ADAD2: variants seen among roughly 807,000 people sequenced by gnomAD.
The protein encoded by ADAD2 is adenosine deaminase domain containing 2, also known as adenosine deaminase domain-containing protein 2.
ADAD2 carries 60 observed loss-of-function variants against 54.5 expected under a neutral mutation model. That is an observed-to-expected ratio of 1.10 (90% CI 0.89 to 1.36). ADAD2 has a LOEUF of 1.36. Ranked by LOEUF, ADAD2 falls within the 40% of genes most tolerant of loss-of-function variation. The pLI is 0.00. For missense variants in ADAD2, 1,103 were observed against 801.3 expected, an observed-to-expected ratio of 1.38 and a Z score of -4.54; for synonymous variants, 543 against 366.2, an observed-to-expected ratio of 1.48 and a Z score of -5.51.
At chr16:84,196,535 G>A (rs1490247311) in intron 8 of ADAD2, 112 bp from the exon 9 acceptor site, 29 of 1,554,238 alleles carry the variant, frequency 1.9e-5, no homozygotes, top group Non-Finnish European at 2.5e-5. Flanking sequence ...TGTCTGCCCT[G>A]TGAGTCCTGT....
intron 2 of ADAD2, 103 bp from the exon 3 acceptor site, chr16:84,194,830 T>C: frequency 7.4e-7 from 1 of 1,357,916 alleles, no homozygotes; most frequent in Non-Finnish European, 1.0e-6. Flanking sequence ...TAATGTCCTG[T>C]GTCTGGAAGA....
In ADAD2 at chr16:84,195,938, C is replaced by G; in HGVS notation, c.1176C>G (p.Gly392=). 1 of 1,599,654 alleles carries G rather than the reference C, an allele frequency of 6.3e-7. No individual in the cohort carries two copies. The highest frequency in any genetic ancestry group is 8.5e-7 in the Non-Finnish European group (1 of 1,179,624). Residue 392 remains glycine, a synonymous_variant, in exon 7 of 10, where the codon GGC becomes GGG. Transcript: ENST00000315906. ...CCTCGCTCTGTGACACCCACGTGGG[C>G]TGCCTGTCAGCCAGTGACAAGCTGG... ...VAPSLCDTHV[G]CLSASDKLAR...
At chr16:84,195,507 C>T (rs766221123) in intron 5 of ADAD2, 23 bp from the exon 6 acceptor site, 9 of 1,600,626 alleles carry the variant, frequency 5.6e-6, no homozygotes, top group Non-Finnish European at 7.7e-6. Context: ...TCTTCCCAAC[C>T]ACCCTGTGCC....
rs1408854511 is a variant in ADAD2, at chr16:84,191,499, A to C, written c.269A>C (p.Gln90Pro). The C allele has an allele frequency of 3.0e-5, 47 of 1,541,748 alleles. No individual in the cohort carries two copies. Among genetic ancestry groups the C allele is most frequent in the Non-Finnish European group, 4.0e-5 (46 of 1,145,512 alleles). ...AARAWENLGE[Q>P]MGKAPRVPVP... ...CGGGCGTGGGAAAACTTGGGGGAAC[A>C]GATGGGGAAGGCCCCGAGGGTCCCT... is the stretch of plus-strand genomic sequence containing the variant. Residue 90 changes from glutamine (Q) to proline (P), a missense_variant, in exon 1 of 10, where the codon CAG (glutamine) becomes CCG (proline). By Grantham distance (76) the Gln-to-Pro change is moderately conservative. Transcript: ENST00000315906.
At chr16:84,191,722 A>G in intron 1 of ADAD2, 74 bp downstream of exon 1, 4 of 1,531,420 alleles carry the variant, frequency 2.6e-6, no homozygotes. Flanking sequence ...CGTGGGGAGC[A>G]GGGGGTCTGG....
At chr16:84,196,461 G>A (rs889985921) in intron 8 of ADAD2, 91 bp downstream of exon 8, 19 of 1,438,940 alleles carry the variant, frequency 1.3e-5, no homozygotes, top group Non-Finnish European at 1.6e-5. Flanking sequence ...TAATCCCAGC[G>A]CAACCCCTTC....
chr16:84,192,114 C>G (rs57710044), intron 1 of ADAD2, among the ~76,000 whole-genome samples: 1 of 152,146 alleles, frequency 6.6e-6, no homozygotes, highest in Non-Finnish European at 1.5e-5. Context: ...ATACATACCC[C>G]TTAAATCCCT....
At chr16:84,193,976 A>C (rs1474945564) in intron 1 of ADAD2, 1 of 1,532,198 alleles carries the variant, frequency 6.5e-7, no homozygotes, top group South Asian at 1.3e-5. Flanking sequence ...TTGTGTTATA[A>C]GTAACACCCA....
chr16:84,196,627 G>A lies in ADAD2; in HGVS notation c.1527-20G>A, dbSNP rs753573082. 7 of 1,611,582 alleles carry A rather than the reference G, an allele frequency of 4.3e-6. No homozygotes were observed. The Admixed American group carries it at 1.0e-4, about 23-fold the overall frequency. On this transcript the variant is annotated intron_variant, in intron 8 of 9. Transcript: ENST00000315906. The stretch of plus-strand genomic sequence containing the variant: ...CAGCTTGTATCTCTCTGATCTCAGT[G>A]GTATCCTCTCTTCATCCAGTGCCGC...
At chr16:84,191,722 A>AG in intron 1 of ADAD2, 74 bp downstream of exon 1, 1 of 1,531,420 alleles carries the variant, frequency 6.5e-7, no homozygotes, top group Non-Finnish European at 8.8e-7. Flanking sequence ...CGTGGGGAGC[A>AG]GGGGGTCTGG....
At chr16:84,194,823 T>A in intron 2 of ADAD2, 110 bp from the exon 3 acceptor site, 1 of 1,326,944 alleles carries the variant, frequency 7.5e-7, no homozygotes, top group Non-Finnish European at 1.0e-6. Context: ...GCTCGTGTAA[T>A]GTCCTGTGTC....
chr16:84,195,191 A>T lies in ADAD2; in HGVS notation c.730A>T (p.Arg244Trp). The T allele has an allele frequency of 6.2e-7, 1 of 1,612,420 alleles. No individual in the cohort carries two copies. The highest frequency in any genetic ancestry group is 1.1e-5 in the South Asian group (1 of 91,024). ...KGTVAGVILEREIPRARGHVK... is the reference protein window; with the variant it reads ...KGTVAGVILEWEIPRARGHVK... ...GACTGTGGCTGGAGTCATCCTGGAG[A>T]GGGGTAGGGATCGCCCCAGCCCTGG... The change falls in exon 4 of 10, where the codon AGG becomes TGG. Residue 244 changes from arginine to tryptophan, a missense_variant. Transcript: ENST00000315906.
rs118007434 is a variant in ADAD2, at chr16:84,195,142, C to T, written c.681C>T (p.Arg227=). ...GCTTTGACCTCCTGTTGGACGAGCG[C>T]TCGCCATACTGGGCCTGTAAGGGGA... ...SAGFDLLLDE[R]SPYWACKGTV... is the part of the protein sequence containing the mutation. Residue 227 remains arginine (R), a synonymous_variant, in exon 4 of 10, where the codon CGC becomes CGT. Transcript: ENST00000315906. 568 of 1,613,612 alleles carry T rather than the reference C, an allele frequency of 3.5e-4. 4 individuals carry two copies. The East Asian group carries it at 9.5e-3, about 27-fold the overall frequency.
chr16:84,191,689 C>G, intron 1 of ADAD2, 41 bp downstream of exon 1: 1 of 1,545,634 alleles, frequency 6.5e-7, no homozygotes, highest in Non-Finnish European at 8.7e-7. Context: ...GAGGGCAGAG[C>G]CACGGAGGGC....
At chr16:84,195,492 C>G (rs751727582) in intron 5 of ADAD2, 38 bp from the exon 6 acceptor site, 1 of 1,604,704 alleles carries the variant, frequency 6.2e-7, no homozygotes, top group East Asian at 2.2e-5. Flanking sequence ...TTCGCCAGGA[C>G]AAGGTCTTCC....
In ADAD2 at chr16:84,194,988, A is replaced by T. The variant is rs770675688; in HGVS notation, c.607+8A>T. The T allele has an allele frequency of 6.3e-7, 1 of 1,577,166 alleles. No individual in the cohort carries two copies. The highest frequency in any genetic ancestry group is 8.6e-7 in the Non-Finnish European group (1 of 1,168,048). Reference sequence around the variant, plus strand: ...TGGCCCCCCTGAGCGTAGGTAGGTGAGCATTCCCGGACCCAGGCTTGTAGT... The same window carrying T: ...TGGCCCCCCTGAGCGTAGGTAGGTGTGCATTCCCGGACCCAGGCTTGTAGT... On this transcript the variant is annotated splice_region_variant and intron_variant, in intron 3 of 9. Transcript: ENST00000315906.
Position 84,195,287 on chromosome 16 carries a change from C to T in ADAD2, c.734-9C>T, listed in dbSNP as rs747011536. 3.1e-6 allele frequency: 5 copies of T among 1,612,230 alleles called. No homozygotes were observed. The Admixed American group carries it at 8.3e-5, about 27-fold the overall frequency. ...TTAGGCTGGGCCGTCTCTGCCCCCT[C>T]CTGCACAGAGATCCCGCGTGCCAGG... is the stretch of plus-strand genomic sequence containing the variant. On this transcript the variant is annotated splice_polypyrimidine_tract_variant and intron_variant, in intron 4 of 9. Transcript: ENST00000315906.
At chr16:84,195,769 A>G (rs936035411) in intron 6 of ADAD2, 46 bp from the exon 7 acceptor site, 2 of 1,550,250 alleles carry the variant, frequency 1.3e-6, no homozygotes. Flanking sequence ...GGCCAGGGTC[A>G]GAAGAGCAGC....
Position 84,196,490 on chromosome 16 carries a change from A to G in ADAD2, c.1526+120A>G, listed in dbSNP as rs2303240. On this transcript the variant is annotated intron_variant, in intron 8 of 9. Transcript: ENST00000315906. ...CCCCTTCGCTCAACCCCTTCGCTCA[A>G]CCCCTTCCTAGCTCCGTAGTGGTGG... The G allele has an allele frequency of 2.2e-4, 132 of 606,128 alleles. No individual in the cohort carries two copies. Among genetic ancestry groups the G allele is most frequent in the Middle Eastern group, 2.1e-3 (5 of 2,386 alleles). 37.5% of individuals were successfully genotyped at this position (606,128 alleles called of 1,614,324 possible).
Sources: gnomAD v4.1 joint callset for allele counts (sites outside exome capture counted in the v4.1 genomes callset) on GRCh38, gnomAD v4.1.1 for gene constraint, MANE v1.5 for transcripts, NCBI Gene and HGNC (gene_info 2026-07-23, HGNC 2026-07-21) for gene names.